Variants in GNA14 observed in about 807,000 individuals in gnomAD.
GNA14 encodes guanine nucleotide-binding protein subunit alpha-14.
Under a neutral mutation model 42.0 loss-of-function variants are expected in GNA14, and 50 were observed. That is an observed-to-expected ratio of 1.19 (90% CI 0.95 to 1.51). GNA14 has a LOEUF of 1.51. Ranked by LOEUF, GNA14 falls within the 40% of genes most tolerant of loss-of-function variation. The pLI, the probability that GNA14 is intolerant of heterozygous loss-of-function variation, is 0.00. For synonymous variants in GNA14, 173 were observed against 163.1 expected (o/e 1.06, Z -0.46); for missense variants, 473 against 446.2 (o/e 1.06, Z -0.54).
At chr9:77,473,935 G>T (rs1836374816) in intron 2 of GNA14, among the ~76,000 whole-genome samples, 1 of 152,112 alleles carries the variant, frequency 6.6e-6, no homozygotes, top group South Asian at 2.1e-4. Flanking sequence ...GAATTGTACT[G>T]GGGCAACTGG....
At chr9:77,488,847 T>C (rs141487946) in intron 2 of GNA14, among the ~76,000 whole-genome samples, 201 of 74,230 alleles carry the variant, frequency 2.7e-3, no homozygotes, top group African/African-American at 0.011. Context: ...AATTAATAAC[T>C]AATCCTTCAG....
At chr9:77,561,272 A>G (rs771292270) in intron 1 of GNA14, among the ~76,000 whole-genome samples, 10 of 152,204 alleles carry the variant, frequency 6.6e-5, no homozygotes, top group Non-Finnish European at 1.3e-4. Context: ...AATCTATCCC[A>G]TTCTGTGGGT....
At chr9:77,578,382 A>G (rs933075077) in intron 1 of GNA14, among the ~76,000 whole-genome samples, 1 of 152,192 alleles carries the variant, frequency 6.6e-6, no homozygotes, top group Non-Finnish European at 1.5e-5. Context: ...AGTCTCTCAC[A>G]TAACTCTAGA....
At chr9:77,461,762 T>G (rs1168257128) in intron 2 of GNA14, among the ~76,000 whole-genome samples, 1 of 142,876 alleles carries the variant, frequency 7.0e-6, no homozygotes, top group African/African-American at 2.7e-5. Context: ...TCTTGAATAA[T>G]AGTATCCCAG....
chr9:77,435,427 T>C (rs1835627188), intron 2 of GNA14, among the ~76,000 whole-genome samples: 1 of 152,124 alleles, frequency 6.6e-6, no homozygotes, highest in Non-Finnish European at 1.5e-5. Context: ...AGCAAAATTG[T>C]AGGGCAAGTA....
intron 1 of GNA14, among the ~76,000 whole-genome samples, chr9:77,564,506 T>C (rs1442710185): frequency 1.3e-5 from 2 of 152,100 alleles, no homozygotes; most frequent in Non-Finnish European, 2.9e-5. Context: ...ACAAGTTATA[T>C]ATGAATACAT....
At position 77,529,264 on chromosome 9, in the gene GNA14, A is replaced by G; in HGVS notation, c.125-11T>C. The G allele has an allele frequency of 6.2e-7, 1 of 1,608,796 alleles. No individual in the cohort carries two copies. Among genetic ancestry groups the G allele is most frequent in the Non-Finnish European group, 8.5e-7 (1 of 1,175,258 alleles). ...CACTTTCACCAGTTCCTATAAGACA[A>G]AACAAGTGGAAAACGCTGTCAGCAG... On this transcript the variant is annotated splice_polypyrimidine_tract_variant and intron_variant, in intron 1 of 6. Coordinates refer to ENST00000341700, the MANE Select transcript of GNA14 (RefSeq NM_004297.4).
At chr9:77,467,378 C>T (rs1836254288) in intron 2 of GNA14, among the ~76,000 whole-genome samples, 1 of 151,740 alleles carries the variant, frequency 6.6e-6, no homozygotes, top group Non-Finnish European at 1.5e-5. Context: ...CCAGTCTAAC[C>T]CATGACCCTC....
intron 2 of GNA14, among the ~76,000 whole-genome samples, chr9:77,464,363 G>GTA (rs1257011991): frequency 6.7e-6 from 1 of 148,712 alleles, no homozygotes; most frequent in Admixed American, 6.6e-5. Flanking sequence ...GTGTGTGTGT[G>GTA]TGTGTGTGTG....
intron 2 of GNA14, among the ~76,000 whole-genome samples, chr9:77,515,868 G>A (rs556680032): frequency 2.0e-5 from 3 of 149,166 alleles, no homozygotes; most frequent in African/African-American, 7.4e-5. Context: ...GCTGAAGTGG[G>A]AGGATTGCTT....
chr9:77,428,819 G>C, intron 5 of GNA14, 88 bp downstream of exon 5: 2 of 1,300,970 alleles, frequency 1.5e-6, no homozygotes, highest in South Asian at 1.4e-5. Context: ...CTAATGACGA[G>C]GGTCTATTTC....
chr9:77,620,077 CGT>C (rs970340513), intron 1 of GNA14, among the ~76,000 whole-genome samples: 6 of 151,782 alleles, frequency 4.0e-5, no homozygotes, highest in East Asian at 3.9e-4. Context: ...AGGCACATTA[CGT>C]GTGTGTGCAC....
At chr9:77,561,520 G>T (rs1212522317) in intron 1 of GNA14, among the ~76,000 whole-genome samples, 1 of 152,128 alleles carries the variant, frequency 6.6e-6, no homozygotes, top group Non-Finnish European at 1.5e-5. Context: ...ATTTCATCCA[G>T]CCTTAAAAAG....
At chr9:77,620,086 GCACACACACACACGTGCACACA>G (rs1451610858) in intron 1 of GNA14, among the ~76,000 whole-genome samples, 2 of 151,576 alleles carry the variant, frequency 1.3e-5, no homozygotes, top group East Asian at 3.9e-4. Flanking sequence ...ACGTGTGTGT[GCACACACACACACGTGCACACA>G]CACACACACA....
intron 2 of GNA14, among the ~76,000 whole-genome samples, chr9:77,449,324 G>C (rs899232627): frequency 1.3e-5 from 2 of 152,198 alleles, no homozygotes; most frequent in Non-Finnish European, 2.9e-5. Flanking sequence ...CCTTTGTTAA[G>C]TGATGCGTGA....
chr9:77,513,514 G>C (rs2131752115), intron 2 of GNA14, among the ~76,000 whole-genome samples: 1 of 152,348 alleles, frequency 6.6e-6, no homozygotes. Context: ...GCGCCCAGAA[G>C]TATACACAGT....
rs948836229 is a variant in GNA14, at chr9:77,482,149, C to G, written c.309+46920G>C. On this transcript the variant is annotated intron_variant, in intron 2 of 6. Coordinates refer to ENST00000341700, the MANE Select transcript of GNA14 (RefSeq NM_004297.4). ...GATGCAGTTTCTTCCTAGCCTTGATCGTCTTTACATTTTGGCATGTTTTTG... is the reference window on the plus strand; with the variant it reads ...GATGCAGTTTCTTCCTAGCCTTGATGGTCTTTACATTTTGGCATGTTTTTG... 7.0e-4 allele frequency among the ~76,000 whole-genome samples: 107 copies of G among 152,214 alleles called. 2 individuals carry two copies. Among genetic ancestry groups the G allele is most frequent in the African/African-American group, 1.9e-3 (81 of 41,544 alleles).
intron 2 of GNA14, among the ~76,000 whole-genome samples, chr9:77,437,621 A>C (rs1381210278): frequency 1.3e-5 from 2 of 151,838 alleles, no homozygotes; most frequent in African/African-American, 4.9e-5. Context: ...AAAGGAAGGG[A>C]AAAAGAAAGA....
At chr9:77,462,592 G>A (rs1464938233) in intron 2 of GNA14, among the ~76,000 whole-genome samples, 1 of 151,972 alleles carries the variant, frequency 6.6e-6, no homozygotes, top group Non-Finnish European at 1.5e-5. Flanking sequence ...ATGGTGGTGG[G>A]TGCCTGTAAT....
Sources: allele counts gnomAD v4.1 joint callset (sites outside exome capture counted in the v4.1 genomes callset), GRCh38; gene constraint gnomAD v4.1.1; transcripts MANE v1.5; gene names NCBI Gene and HGNC (gene_info 2026-07-23, HGNC 2026-07-21).